Variants in FAM76A observed in about 807,000 individuals in gnomAD.
FAM76A encodes family with sequence similarity 76 member A, also known as protein FAM76A.
A neutral mutation model predicts 46.2 loss-of-function variants in FAM76A; 32 were observed. The ratio of observed to expected loss-of-function variants is 0.69; its 90% CI spans 0.52 to 0.93. The LOEUF is 0.93. FAM76A is among the 40% of genes least tolerant of loss of function. The pLI is 0.00. For synonymous variants in FAM76A, 137 were observed against 127.0 expected, an observed-to-expected ratio of 1.08 and a Z score of -0.53; for missense variants, 274 against 361.5, an observed-to-expected ratio of 0.76 and a Z score of 1.96.
rs767651186 is a variant in FAM76A, at chr1:27,759,611, T to C, written c.821T>C (p.Val274Ala). ...MNQMEKTHKE[V>A]TEQLQAKNRE... ...CAGATGGAGAAAACCCACAAAGAAG[T>C]CACAGAACAACTGCAGGTGACTGAC... Residue 274 changes from valine to alanine, a missense_variant, in exon 8 of 9, where the codon GTC (valine) becomes GCC (alanine). Coordinates refer to ENST00000373954, the MANE Select transcript of FAM76A (RefSeq NM_152660.3). The C allele has an allele frequency of 6.2e-7, 1 of 1,613,104 alleles. No homozygotes were observed. Among genetic ancestry groups the C allele is most frequent in the South Asian group, 1.1e-5 (1 of 90,940 alleles).
intron 2 of FAM76A, 98 bp from the exon 3 acceptor site, chr1:27,732,505 C>G: frequency 1.1e-6 from 1 of 878,170 alleles, no homozygotes; most frequent in Middle Eastern, 2.3e-4. Flanking sequence ...GACCATATCT[C>G]ACTTTGGCCC....
At chr1:27,746,760 G>C (rs983863139) in intron 5 of FAM76A, among the ~76,000 whole-genome samples, 1 of 152,000 alleles carries the variant, frequency 6.6e-6, no homozygotes, top group Non-Finnish European at 1.5e-5. Context: ...AGAATCACTG[G>C]GGGTAGGGAT....
At chr1:27,745,192 C>T (rs974732130) in intron 5 of FAM76A, among the ~76,000 whole-genome samples, 1 of 151,916 alleles carries the variant, frequency 6.6e-6, no homozygotes, top group African/African-American at 2.4e-5. Context: ...CCTGGTGGCA[C>T]CTAGTCAAAA....
At chr1:27,757,027 C>T (rs1042338179) in intron 7 of FAM76A, among the ~76,000 whole-genome samples, 4 of 151,896 alleles carry the variant, frequency 2.6e-5, no homozygotes, top group African/African-American at 9.7e-5. Context: ...CCACTGCACT[C>T]CAGCCTGTGG....
chr1:27,763,037 G>T lies in FAM76A; in HGVS notation c.*2456G>T, dbSNP rs775406653. The T allele has an allele frequency of 1.3e-5, 2 of 152,010 alleles. No individual in the cohort carries two copies. Among genetic ancestry groups the T allele is most frequent in the East Asian group, 3.9e-4 (2 of 5,194 alleles). The allele number at this position is 152,010 out of a possible 1,614,324, so 9.4% of individuals were successfully genotyped here. A position where few individuals can be genotyped will look rare whatever the true frequency, so the allele number is the denominator to read the frequency against. ...TGTTTCTTTGTATGTTTGTAATAAT[G>T]GACATTTTAAAACACAGGAATGTTT... On this transcript the variant is annotated 3_prime_UTR_variant, in exon 9 of 9. Transcript: ENST00000373954.
chr1:27,750,934 C>T (rs2088321899), intron 6 of FAM76A, among the ~76,000 whole-genome samples: 1 of 152,176 alleles, frequency 6.6e-6, no homozygotes, highest in Non-Finnish European at 1.5e-5. Context: ...TTTGGGAGGC[C>T]AAGGCTGGTG....
At chr1:27,737,494 C>T (rs1359083317) in intron 4 of FAM76A, among the ~76,000 whole-genome samples, 1 of 151,984 alleles carries the variant, frequency 6.6e-6, no homozygotes, top group East Asian at 1.9e-4. Context: ...GTGGGCGGAT[C>T]GCTTGAGGCC....
intron 7 of FAM76A, among the ~76,000 whole-genome samples, chr1:27,758,228 C>G (rs890901583): frequency 2.0e-5 from 3 of 152,194 alleles, no homozygotes; most frequent in African/African-American, 7.2e-5. Flanking sequence ...TATGTCCAAA[C>G]CACACAGCTA....
At chr1:27,751,327 C>G (rs1231008316) in intron 6 of FAM76A, among the ~76,000 whole-genome samples, 1 of 151,840 alleles carries the variant, frequency 6.6e-6, no homozygotes, top group African/African-American at 2.4e-5. Context: ...GTTTGCATTT[C>G]TTTTTTTTAA....
At chr1:27,748,935 A>G (rs560511435) in intron 5 of FAM76A, 133 bp from the exon 6 acceptor site, 3 of 574,012 alleles carry the variant, frequency 5.2e-6, no homozygotes, top group African/African-American at 3.9e-5. Flanking sequence ...TAGATTCTTT[A>G]TTAATCAAGA....
intron 4 of FAM76A, among the ~76,000 whole-genome samples, chr1:27,734,936 TAG>T (rs1365436309): frequency 6.6e-6 from 1 of 152,246 alleles, no homozygotes; most frequent in Non-Finnish European, 1.5e-5. Flanking sequence ...CAAAATGATT[TAG>T]AGTTTGGTCA....
In FAM76A at chr1:27,760,631, T is replaced by C; in HGVS notation, c.*50T>C. The C allele has an allele frequency of 7.0e-7, 1 of 1,422,224 alleles. No individual in the cohort carries two copies. The highest frequency in any genetic ancestry group is 9.7e-7 in the Non-Finnish European group (1 of 1,028,198). 88.1% of individuals were successfully genotyped at this position (1,422,224 alleles called of 1,614,324 possible). A position where few individuals can be genotyped will look rare whatever the true frequency, so the allele number is the denominator to read the frequency against. ...AACAGCAAATGGAGTTGTCCAGGGT[T>C]AGGGTTGGAGACCTGGCTGTTCTGT... is the stretch of plus-strand genomic sequence containing the variant. On this transcript the variant is annotated 3_prime_UTR_variant, in exon 9 of 9. Coordinates refer to ENST00000373954, the MANE Select transcript of FAM76A (RefSeq NM_152660.3).
intron 3 of FAM76A, 81 bp downstream of exon 3, chr1:27,732,738 A>G: frequency 9.5e-7 from 1 of 1,047,382 alleles, no homozygotes; most frequent in Non-Finnish European, 1.4e-6. Context: ...TAATGCCATT[A>G]CAATATTTTT....
intron 4 of FAM76A, among the ~76,000 whole-genome samples, chr1:27,734,546 CAAAACAAA>C (rs1037435266): frequency 7.2e-5 from 11 of 152,046 alleles, no homozygotes; most frequent in East Asian, 5.8e-4. Context: ...GACTCTATCT[CAAAACAAA>C]AAAACAAAAA....
intron 4 of FAM76A, among the ~76,000 whole-genome samples, chr1:27,735,330 G>C (rs927318856): frequency 1.3e-5 from 2 of 152,118 alleles, no homozygotes; most frequent in African/African-American, 4.8e-5. Context: ...TTGCTTATTT[G>C]GTTGCATGTT....
At chr1:27,757,720 T>C (rs936015959) in intron 7 of FAM76A, among the ~76,000 whole-genome samples, 2 of 151,012 alleles carry the variant, frequency 1.3e-5, no homozygotes, top group African/African-American at 4.9e-5. Flanking sequence ...CTCATGCCTG[T>C]AATCCCACCA....
At position 27,742,601 on chromosome 1, in the gene FAM76A, G is replaced by A. The variant is rs1215130907; in HGVS notation, c.355-2053G>A. ...TTAAAACTGAGGTATAGGAGGGTGG[G>A]TTTGGGGAGATGTTGGCCAAAGGAT... On this transcript the variant is annotated intron_variant, in intron 4 of 8. Transcript: ENST00000373954. 2.0e-5 allele frequency among the ~76,000 whole-genome samples: 3 copies of A among 152,134 alleles called. No individual in the cohort carries two copies. The East Asian group carries it at 5.8e-4, about 29-fold the overall frequency.
At chr1:27,742,279 C>T (rs1261005119) in intron 4 of FAM76A, among the ~76,000 whole-genome samples, 3 of 152,214 alleles carry the variant, frequency 2.0e-5, no homozygotes, top group Non-Finnish European at 4.4e-5. Flanking sequence ...GCTGCCCTGT[C>T]ACCTGTCCTA....
intron 4 of FAM76A, among the ~76,000 whole-genome samples, chr1:27,737,018 C>T (rs908550482): frequency 5.3e-5 from 8 of 152,122 alleles, no homozygotes; most frequent in Non-Finnish European, 1.5e-5. Context: ...GGCACGATCT[C>T]GGCTCACCAC....
Sources: allele counts gnomAD v4.1 joint callset (sites outside exome capture counted in the v4.1 genomes callset), GRCh38; gene constraint gnomAD v4.1.1; transcripts MANE v1.5; gene names NCBI Gene and HGNC (gene_info 2026-07-23, HGNC 2026-07-21).